Variants in CWC27 observed in about 807,000 individuals in gnomAD.
The protein encoded by CWC27 is spliceosome-associated protein CWC27 homolog.
CWC27 carries 47 observed loss-of-function variants against 63.6 expected under a neutral mutation model. The ratio of observed to expected loss-of-function variants is 0.74; its 90% confidence interval spans 0.58 to 0.94. The LOEUF (loss-of-function observed/expected upper bound fraction) is 0.94, where lower values mean the gene tolerates loss of function less well. Among genes scored for constraint, CWC27 ranks in the 40% least tolerant of loss-of-function variants. The probability of loss-of-function intolerance (pLI) is 0.00; values close to 1 mark genes in which losing one functional copy is unlikely to be tolerated. For missense variants in CWC27, 495 were observed against 554.3 expected, an observed-to-expected ratio of 0.89 and a Z score of 1.07; for synonymous variants, 175 against 179.8, an observed-to-expected ratio of 0.97 and a Z score of 0.22.
intron 11 of CWC27, among the ~76,000 whole-genome samples, chr5:64,912,990 CTTAAA>C (rs1161136922): frequency 6.6e-6 from 1 of 152,030 alleles, no homozygotes; most frequent in Non-Finnish European, 1.5e-5. Flanking sequence ...GACTGCCCTC[CTTAAA>C]TTAAAAGCAA....
At chr5:64,899,753 G>A (rs548321657) in intron 11 of CWC27, among the ~76,000 whole-genome samples, 88 of 152,288 alleles carry the variant, frequency 5.8e-4, no homozygotes, top group African/African-American at 1.9e-3. Context: ...CTATACCTGT[G>A]AAAACATCAC....
chr5:64,862,293 C>G (rs925761060), intron 10 of CWC27, among the ~76,000 whole-genome samples: 1 of 152,074 alleles, frequency 6.6e-6, no homozygotes, highest in Non-Finnish European at 1.5e-5. Context: ...GCTACTATGG[C>G]CAGCGCAAAT....
intron 11 of CWC27, among the ~76,000 whole-genome samples, chr5:64,914,043 G>A (rs1413071088): frequency 6.6e-6 from 1 of 152,098 alleles, no homozygotes; most frequent in Non-Finnish European, 1.5e-5. Context: ...ATAAAAGATA[G>A]TGCTGAAAAG....
At chr5:64,912,589 C>A (rs1395767087) in intron 11 of CWC27, among the ~76,000 whole-genome samples, 2 of 151,832 alleles carry the variant, frequency 1.3e-5, no homozygotes, top group Non-Finnish European at 2.9e-5. Context: ...AAGACCAAGC[C>A]AAAAACTGGT....
intron 13 of CWC27, among the ~76,000 whole-genome samples, chr5:65,007,626 C>CTTTTT (rs57750177): frequency 1.8e-5 from 2 of 108,168 alleles, no homozygotes; most frequent in Non-Finnish European, 3.7e-5. Context: ...TCATCATTTT[C>CTTTTT]TTTTTTTTTT....
At chr5:64,922,975 G>T (rs1561157988) in intron 11 of CWC27, among the ~76,000 whole-genome samples, 1 of 152,148 alleles carries the variant, frequency 6.6e-6, no homozygotes, top group East Asian at 1.9e-4. Flanking sequence ...ATCTCTCAAG[G>T]TTAAGCCCCA....
At chr5:64,878,081 T>C (rs991060463) in intron 10 of CWC27, among the ~76,000 whole-genome samples, 17 of 152,058 alleles carry the variant, frequency 1.1e-4, no homozygotes, top group Non-Finnish European at 2.1e-4. Context: ...ACATTATTTT[T>C]TGCCTTACTT....
chr5:64,855,864 G>C (rs771694313), intron 10 of CWC27, among the ~76,000 whole-genome samples: 6 of 152,044 alleles, frequency 3.9e-5, no homozygotes, highest in Non-Finnish European at 7.4e-5. Flanking sequence ...CCTCATACTT[G>C]CTTTTAGAGA....
At chr5:64,855,526 C>CT (rs1482164878) in intron 10 of CWC27, among the ~76,000 whole-genome samples, 2 of 152,030 alleles carry the variant, frequency 1.3e-5, no homozygotes, top group Non-Finnish European at 2.9e-5. Context: ...TATAGTTGTC[C>CT]TTTACCTATG....
chr5:64,914,232 G>A (rs1258881250), intron 11 of CWC27, among the ~76,000 whole-genome samples: 1 of 152,112 alleles, frequency 6.6e-6, no homozygotes, highest in Non-Finnish European at 1.5e-5. Flanking sequence ...TTAGGAGAAT[G>A]TCATTATGAC....
At chr5:64,786,256 T>C (rs939542078) in intron 5 of CWC27, among the ~76,000 whole-genome samples, 2 of 152,076 alleles carry the variant, frequency 1.3e-5, no homozygotes, top group African/African-American at 4.8e-5. Context: ...TCTTGTTTAC[T>C]GTGTATCATT....
intron 11 of CWC27, among the ~76,000 whole-genome samples, chr5:64,930,194 A>T (rs1390993076): frequency 6.6e-6 from 1 of 152,170 alleles, no homozygotes; most frequent in Non-Finnish European, 1.5e-5. Context: ...AAGGAAAGTA[A>T]GTATTTGCCA....
intron 7 of CWC27, among the ~76,000 whole-genome samples, chr5:64,796,002 C>CAT (rs1244901145): frequency 2.2e-5 from 3 of 135,772 alleles, no homozygotes; most frequent in African/African-American, 2.7e-5. Context: ...AGAAATTGTG[C>CAT]GTGTGTGTGT....
intron 13 of CWC27, among the ~76,000 whole-genome samples, chr5:64,978,933 A>G (rs940033488): frequency 1.2e-4 from 19 of 152,232 alleles, no homozygotes; most frequent in African/African-American, 4.1e-4. Context: ...CTCATAACCC[A>G]CAGGATTCAA....
intron 10 of CWC27, among the ~76,000 whole-genome samples, chr5:64,852,161 T>C (rs1259541557): frequency 6.6e-6 from 1 of 152,120 alleles, no homozygotes; most frequent in African/African-American, 2.4e-5. Flanking sequence ...CTGGTTAGAG[T>C]GCTTCAGTAA....
rs148556131 is a variant in CWC27, at chr5:64,811,146, A to T, written c.938+6760A>T. 3.2e-3 allele frequency among the ~76,000 whole-genome samples: 485 copies of T among 152,202 alleles called. 2 individuals carry two copies. The highest frequency in any genetic ancestry group is 0.011 in the African/African-American group (465 of 41,552). On this transcript the variant is annotated intron_variant, in intron 10 of 13. Transcript: ENST00000381070. The stretch of plus-strand genomic sequence containing the variant: ...TAAGTCTAATATCCAGCCAAGGTTG[A>T]TGAAAACTGGGGTAGTTTGCAGCTT...
chr5:65,001,385 T>C (rs1292121400), intron 13 of CWC27, among the ~76,000 whole-genome samples: 1 of 152,162 alleles, frequency 6.6e-6, no homozygotes, highest in Non-Finnish European at 1.5e-5. Context: ...TGGGCATCCT[T>C]GTCTTGTTCC....
chr5:64,975,703 C>A (rs1749216845), intron 12 of CWC27, among the ~76,000 whole-genome samples: 1 of 152,000 alleles, frequency 6.6e-6, no homozygotes. Context: ...ATACTTAACA[C>A]AATATTTGTA....
At chr5:64,887,889 A>G (rs1038299209) in intron 11 of CWC27, among the ~76,000 whole-genome samples, 20 of 152,194 alleles carry the variant, frequency 1.3e-4, no homozygotes, top group Non-Finnish European at 2.5e-4. Flanking sequence ...GTAATCCATA[A>G]TGTACATCAT....
Sources: allele counts gnomAD v4.1 joint callset (sites outside exome capture counted in the v4.1 genomes callset), GRCh38; gene constraint gnomAD v4.1.1; transcripts MANE v1.5; gene names NCBI Gene and HGNC (gene_info 2026-07-23, HGNC 2026-07-21).